Variants in GALNT17 observed in about 807,000 individuals in gnomAD.
The protein encoded by GALNT17 is UDP-GalNAc:polypeptide N-acetylgalactosaminyltransferase-like 3.
A neutral mutation model predicts 63.7 loss-of-function variants in GALNT17; 29 were observed. The ratio of observed to expected loss-of-function variants is 0.46; its 90% CI spans 0.34 to 0.62. GALNT17 has a LOEUF of 0.62. Ranked by LOEUF, GALNT17 falls within the 20% of genes least tolerant of loss-of-function variation. The pLI is 0.01. For synonymous variants in GALNT17, 305 were observed against 318.3 expected, an observed-to-expected ratio of 0.96 and a Z score of 0.45; for missense variants, 603 against 799.6, an observed-to-expected ratio of 0.75 and a Z score of 2.97.
intron 2 of GALNT17, among the ~76,000 whole-genome samples, chr7:71,372,919 G>C (rs920935055): frequency 1.3e-5 from 2 of 152,158 alleles, no homozygotes; most frequent in Non-Finnish European, 2.9e-5. Flanking sequence ...GAAGGGCTTA[G>C]CTCTTGTTAT....
chr7:71,216,627 CACAT>C (rs1350433414), intron 1 of GALNT17, among the ~76,000 whole-genome samples: 1 of 151,828 alleles, frequency 6.6e-6, no homozygotes, highest in Non-Finnish European at 1.5e-5. Flanking sequence ...CACACACACA[CACAT>C]ATACATATAT....
At chr7:71,477,184 C>T (rs537209521) in intron 5 of GALNT17, among the ~76,000 whole-genome samples, 1 of 152,226 alleles carries the variant, frequency 6.6e-6, no homozygotes, top group East Asian at 1.9e-4. Context: ...CTTTTATGTA[C>T]TTGGCTGGTT....
intron 6 of GALNT17, among the ~76,000 whole-genome samples, chr7:71,644,542 A>AAAAC (rs1790647917): frequency 7.3e-6 from 1 of 136,172 alleles, no homozygotes; most frequent in African/African-American, 3.5e-5. Context: ...AAAAAAAAAA[A>AAAAC]AAAAAAACAA....
At chr7:71,498,783 A>T (rs930639893) in intron 5 of GALNT17, among the ~76,000 whole-genome samples, 5 of 152,206 alleles carry the variant, frequency 3.3e-5, no homozygotes, top group Admixed American at 1.3e-4. Context: ...AAAACCCTGG[A>T]GAAGAATGTT....
At chr7:71,566,617 A>G (rs1789352490) in intron 5 of GALNT17, among the ~76,000 whole-genome samples, 1 of 151,584 alleles carries the variant, frequency 6.6e-6, no homozygotes, top group Admixed American at 6.6e-5. Context: ...CGGCTCTTCC[A>G]GAAGGAATCT....
intron 6 of GALNT17, among the ~76,000 whole-genome samples, chr7:71,583,823 T>G (rs756145727): frequency 1.4e-4 from 21 of 151,928 alleles, no homozygotes; most frequent in Non-Finnish European, 2.4e-4. Flanking sequence ...GTGAAGTCAG[T>G]TGTAGACTAA....
chr7:71,401,367 G>C (rs562882391), intron 3 of GALNT17, among the ~76,000 whole-genome samples: 35 of 152,040 alleles, frequency 2.3e-4, no homozygotes, highest in Non-Finnish European at 4.6e-4. Flanking sequence ...AAAGTGCTGG[G>C]ATTACAGGCG....
At chr7:71,496,252 C>A (rs1788092321) in intron 5 of GALNT17, among the ~76,000 whole-genome samples, 1 of 152,044 alleles carries the variant, frequency 6.6e-6, no homozygotes, top group Non-Finnish European at 1.5e-5. Context: ...CAAGGGAATC[C>A]CCAGGTGGCA....
At chr7:71,412,057 TTTCC>T (rs1793438481) in intron 3 of GALNT17, among the ~76,000 whole-genome samples, 1 of 152,218 alleles carries the variant, frequency 6.6e-6, no homozygotes, top group East Asian at 1.9e-4. Flanking sequence ...GAGAACTTCA[TTTCC>T]TCCTTGGAGT....
At chr7:71,499,808 A>G (rs1563138444) in intron 5 of GALNT17, among the ~76,000 whole-genome samples, 1 of 152,162 alleles carries the variant, frequency 6.6e-6, no homozygotes, top group Non-Finnish European at 1.5e-5. Flanking sequence ...CTCATCTTAA[A>G]TTGTAGTTCC....
intron 5 of GALNT17, among the ~76,000 whole-genome samples, chr7:71,467,465 G>C (rs1440166906): frequency 2.0e-5 from 3 of 152,172 alleles, no homozygotes; most frequent in African/African-American, 7.2e-5. Context: ...CTACTTCAGG[G>C]GAGTGGGGCA....
At chr7:71,420,229 C>T (rs573154823) in intron 4 of GALNT17, among the ~76,000 whole-genome samples, 5 of 152,302 alleles carry the variant, frequency 3.3e-5, no homozygotes, top group Non-Finnish European at 7.4e-5. Flanking sequence ...AGATTCCTGA[C>T]GAATTACCTG....
chr7:71,150,425 G>A (rs968031592), intron 1 of GALNT17, among the ~76,000 whole-genome samples: 2 of 152,058 alleles, frequency 1.3e-5, no homozygotes, highest in East Asian at 1.9e-4. Context: ...AGAGGTAGAC[G>A]GAAGTGATGT....
intron 2 of GALNT17, among the ~76,000 whole-genome samples, chr7:71,337,325 A>G (rs2116102312): frequency 6.6e-6 from 1 of 152,174 alleles, no homozygotes; most frequent in African/African-American, 2.4e-5. Flanking sequence ...TTTTTCACTC[A>G]TATCTTTATA....
intron 1 of GALNT17, among the ~76,000 whole-genome samples, chr7:71,252,100 C>T (rs1271861556): frequency 6.6e-6 from 1 of 152,114 alleles, no homozygotes; most frequent in Non-Finnish European, 1.5e-5. Flanking sequence ...GATGTCACCA[C>T]CAGGGCATGT....
At chr7:71,377,767 C>T (rs866677617) in intron 2 of GALNT17, among the ~76,000 whole-genome samples, 2 of 152,062 alleles carry the variant, frequency 1.3e-5, no homozygotes, top group Non-Finnish European at 2.9e-5. Flanking sequence ...CCATGTTGTC[C>T]TTGTGATATA....
At chr7:71,193,395 T>G (rs1278563699) in intron 1 of GALNT17, among the ~76,000 whole-genome samples, 5 of 151,198 alleles carry the variant, frequency 3.3e-5, no homozygotes, top group Admixed American at 6.6e-5. Flanking sequence ...CCACCACACT[T>G]GCCCCTCATC....
At chr7:71,536,129 G>A (rs1247498821) in intron 5 of GALNT17, among the ~76,000 whole-genome samples, 2 of 152,188 alleles carry the variant, frequency 1.3e-5, no homozygotes, top group Non-Finnish European at 2.9e-5. Context: ...ACTGTTCATA[G>A]CAAAAAGACT....
At chr7:71,385,932 C>G (rs890492498) in intron 2 of GALNT17, among the ~76,000 whole-genome samples, 6 of 152,154 alleles carry the variant, frequency 3.9e-5, no homozygotes, top group African/African-American at 1.4e-4. Flanking sequence ...CCAGGTGTGG[C>G]AGCACATGCC....
Sources: allele counts gnomAD v4.1 joint callset (sites outside exome capture counted in the v4.1 genomes callset), GRCh38; gene constraint gnomAD v4.1.1; transcripts MANE v1.5; gene names NCBI Gene and HGNC (gene_info 2026-07-23, HGNC 2026-07-21).